PRKAR1B: variants seen among roughly 807,000 people sequenced by gnomAD.
PRKAR1B encodes cAMP-dependent protein kinase type I-beta regulatory subunit.
In PRKAR1B, 22 loss-of-function variants were observed where a neutral mutation model predicts 46.5. That is an observed-to-expected ratio of 0.47 (90% CI 0.34 to 0.68). The LOEUF (loss-of-function observed/expected upper bound fraction) is 0.68. PRKAR1B is among the 30% of genes least tolerant of loss of function. The probability of loss-of-function intolerance (pLI) is 0.01; values close to 1 mark genes in which losing one functional copy is unlikely to be tolerated. For synonymous variants in PRKAR1B, 259 were observed against 217.7 expected (o/e 1.19, Z -1.67); for missense variants, 445 against 535.6 (o/e 0.83, Z 1.67).
chr7:664,000 C>T (rs1009158818), intron 4 of PRKAR1B, among the ~76,000 whole-genome samples: 4 of 152,164 alleles, frequency 2.6e-5, no homozygotes, highest in Admixed American at 1.3e-4. Flanking sequence ...TCCCCCCCGA[C>T]AAGTGGGAAC....
chr7:583,173 A>C (rs1161181395), intron 8 of PRKAR1B, among the ~76,000 whole-genome samples: 4 of 151,854 alleles, frequency 2.6e-5, no homozygotes, highest in Admixed American at 2.0e-4. Flanking sequence ...CGGCCCTGAA[A>C]TGCGCTTCCG....
intron 8 of PRKAR1B, among the ~76,000 whole-genome samples, chr7:583,648 G>A (rs1583246547): frequency 8.4e-6 from 1 of 118,388 alleles, no homozygotes; most frequent in Admixed American, 8.4e-5. Context: ...TCACATGCAT[G>A]CACACCCATG....
At chr7:571,738 C>A (rs563486770) in intron 9 of PRKAR1B, among the ~76,000 whole-genome samples, 9 of 152,260 alleles carry the variant, frequency 5.9e-5, no homozygotes, top group African/African-American at 2.2e-4. Flanking sequence ...AGCAGGCGTG[C>A]GGCCCCAGAT....
In PRKAR1B at chr7:606,196, C is replaced by T. The variant is rs1782036855; in HGVS notation, c.546G>A (p.Val182=). The T allele has an allele frequency of 6.2e-7, 1 of 1,613,854 alleles. No individual in the cohort carries two copies. Among genetic ancestry groups the T allele is most frequent in the Admixed American group, 1.7e-5 (1 of 59,982 alleles). ...DNFYVVDQGE[V]DVYVNGEWVT... is the part of the protein sequence containing the mutation. Reference sequence around the variant, plus strand: ...AAGACAAGTTAGCGACACTCACATCCACTTCCCCTTGATCAACGACATAGA... The same window carrying T: ...AAGACAAGTTAGCGACACTCACATCTACTTCCCCTTGATCAACGACATAGA... The change falls in exon 6 of 11, where the codon GTG becomes GTA. Residue 182 remains valine (V), a synonymous_variant. Coordinates refer to ENST00000537384, the MANE Select transcript of PRKAR1B (RefSeq NM_001164760.2).
At chr7:611,689 T>C (rs2128468201) in intron 4 of PRKAR1B, among the ~76,000 whole-genome samples, 1 of 152,262 alleles carries the variant, frequency 6.6e-6, no homozygotes, top group Middle Eastern at 3.4e-3. Context: ...CTCAGCACAA[T>C]ATGGATGGTT....
Position 630,616 on chromosome 7 carries a change from G to A in PRKAR1B, c.441-23164C>T, listed in dbSNP as rs538830229. On this transcript the variant is annotated intron_variant, in intron 4 of 10. Coordinates refer to ENST00000537384, the MANE Select transcript of PRKAR1B (RefSeq NM_001164760.2). ...ATAGCTTTCCAAAGGCCATACGGGTGAGGCTGGCCCCGGGGGGATCAAATG... is the reference window on the plus strand; with the variant it reads ...ATAGCTTTCCAAAGGCCATACGGGTAAGGCTGGCCCCGGGGGGATCAAATG... Among the ~76,000 whole-genome samples the A allele has an allele frequency of 7.2e-5, 11 of 152,352 alleles. 1 individual carries two copies. The East Asian group carries it at 1.9e-3, about 27-fold the overall frequency.
intron 4 of PRKAR1B, among the ~76,000 whole-genome samples, chr7:613,111 C>T (rs1409182829): frequency 6.6e-6 from 1 of 151,930 alleles, no homozygotes; most frequent in African/African-American, 2.4e-5. Context: ...GTCGATGAAA[C>T]TGTACAATTT....
chr7:582,150 C>A (rs1317552779), intron 8 of PRKAR1B, among the ~76,000 whole-genome samples: 1 of 142,888 alleles, frequency 7.0e-6, no homozygotes, highest in Non-Finnish European at 1.5e-5. Flanking sequence ...CGTAAGGCTG[C>A]GTGCACCTGC....
chr7:573,746 C>T (rs1779662877), intron 9 of PRKAR1B, among the ~76,000 whole-genome samples: 1 of 152,236 alleles, frequency 6.6e-6, no homozygotes, highest in Non-Finnish European at 1.5e-5. Context: ...AAGCGGAAAA[C>T]ACTGGAAGTT....
chr7:640,831 G>A (rs982003196), intron 4 of PRKAR1B, among the ~76,000 whole-genome samples: 1 of 148,872 alleles, frequency 6.7e-6, no homozygotes, highest in African/African-American at 2.5e-5. Flanking sequence ...ATACCACTTT[G>A]CATCCACTAG....
chr7:632,426 G>T (rs1290282309), intron 4 of PRKAR1B, among the ~76,000 whole-genome samples: 2 of 152,194 alleles, frequency 1.3e-5, no homozygotes, highest in Non-Finnish European at 2.9e-5. Context: ...CGAGCCGCAG[G>T]CTCCACCGGG....
chr7:723,510 C>G (rs1025737555), intron 1 of PRKAR1B, among the ~76,000 whole-genome samples: 2 of 152,202 alleles, frequency 1.3e-5, no homozygotes, highest in Non-Finnish European at 1.5e-5. Flanking sequence ...CTTTCCTCGT[C>G]GCCTGCTATG....
intron 3 of PRKAR1B, among the ~76,000 whole-genome samples, chr7:677,704 G>A (rs1245936658): frequency 6.6e-6 from 1 of 152,116 alleles, no homozygotes; most frequent in East Asian, 1.9e-4. Flanking sequence ...TGGGATTACA[G>A]GTGTGAGCCA....
chr7:728,857 C>CGGTCACACT (rs942650702), upstream of PRKAR1B, among the ~76,000 whole-genome samples: 5 of 152,162 alleles, frequency 3.3e-5, no homozygotes, highest in Admixed American at 3.3e-4. Flanking sequence ...CCTCTGGTCT[C>CGGTCACACT]GGTCACACTG....
chr7:597,159 G>C (rs1008778384), intron 6 of PRKAR1B, among the ~76,000 whole-genome samples: 1 of 152,388 alleles, frequency 6.6e-6, no homozygotes, highest in Admixed American at 6.5e-5. Flanking sequence ...TGAGCTTAAA[G>C]AATAGTTCCC....
rs78338535 is a variant in PRKAR1B at position 677,092 on chromosome 7, G to T, written c.440+137C>A. ...CGGAGAAGGCAGCTGTGATTCCCAG[G>T]CGAGCAACGGGGGCTGCCCACCTCC... On this transcript the variant is annotated intron_variant, in intron 4 of 10. Transcript: ENST00000537384. 4 of 811,736 alleles carry T rather than the reference G, an allele frequency of 4.9e-6. No individual in the cohort carries two copies. In the East Asian group the frequency reaches 9.9e-5, roughly 20 times the overall value. 50.3% of individuals were successfully genotyped at this position (811,736 alleles called of 1,614,324 possible).
intron 2 of PRKAR1B, among the ~76,000 whole-genome samples, chr7:704,850 C>G (rs1780236905): frequency 6.6e-6 from 1 of 152,114 alleles, no homozygotes; most frequent in Non-Finnish European, 1.5e-5. Flanking sequence ...ATAAAAAATT[C>G]TGAAACTCAG....
At chr7:594,686 C>T (rs1781167550) in intron 7 of PRKAR1B, among the ~76,000 whole-genome samples, 1 of 152,000 alleles carries the variant, frequency 6.6e-6, no homozygotes, top group Admixed American at 6.5e-5. Context: ...CACAAGGGGA[C>T]CCCAAGACCA....
intron 1 of PRKAR1B, among the ~76,000 whole-genome samples, chr7:719,500 G>A (rs904485303): frequency 6.6e-6 from 1 of 152,122 alleles, no homozygotes; most frequent in Admixed American, 6.6e-5. Context: ...TTTCTTTGTA[G>A]CGACGAGGTG....
Sources: gnomAD v4.1 joint callset for allele counts (sites outside exome capture counted in the v4.1 genomes callset) on GRCh38, gnomAD v4.1.1 for gene constraint, MANE v1.5 for transcripts, NCBI Gene and HGNC (gene_info 2026-07-23, HGNC 2026-07-21) for gene names.